Variants in RNF212 observed in about 807,000 individuals in gnomAD.
RNF212 encodes the protein ring finger protein 212.
In RNF212, 33 loss-of-function variants were observed where a neutral mutation model predicts 34.7. That is an observed-to-expected ratio of 0.95 (90% CI 0.72 to 1.27). The LOEUF is 1.27. Ranked by LOEUF, RNF212 falls within the 50% of genes most tolerant of loss-of-function variation. The pLI is 0.00. For missense variants in RNF212, 377 were observed against 362.2 expected (o/e 1.04, Z -0.33); for synonymous variants, 140 against 136.1 (o/e 1.03, Z -0.20).
At chr4:1,108,802 A>C (rs937326031) in intron 1 of RNF212, among the ~76,000 whole-genome samples, 1 of 152,096 alleles carries the variant, frequency 6.6e-6, no homozygotes, top group Non-Finnish European at 1.5e-5. Flanking sequence ...CGGGCTCAAC[A>C]GTCTTCCCCT....
At chr4:1,088,295 A>T (rs1401832037) in intron 4 of RNF212, among the ~76,000 whole-genome samples, 2 of 152,212 alleles carry the variant, frequency 1.3e-5, no homozygotes, top group Admixed American at 1.3e-4. Context: ...TAGCAAAGAG[A>T]CTGGAGGCAT....
At chr4:1,075,834 C>G (rs930827936) in intron 8 of RNF212, among the ~76,000 whole-genome samples, 5 of 152,080 alleles carry the variant, frequency 3.3e-5, no homozygotes, top group African/African-American at 1.2e-4. Flanking sequence ...CCATGCCCAG[C>G]TAATTTTTTG....
At chr4:1,090,909 G>C in intron 3 of RNF212, 71 bp from the exon 4 acceptor site, 1 of 902,244 alleles carries the variant, frequency 1.1e-6, no homozygotes, top group Non-Finnish European at 1.8e-6. Context: ...TGTTGGGGGA[G>C]GAGGAGGCTG....
chr4:1,109,259 C>T (rs890363881), intron 1 of RNF212, among the ~76,000 whole-genome samples: 1 of 152,182 alleles, frequency 6.6e-6, no homozygotes, highest in South Asian at 2.1e-4. Context: ...CAGCCCACAT[C>T]GGTCTCTCAA....
At chr4:1,083,337 T>C (rs1004109406) in intron 5 of RNF212, among the ~76,000 whole-genome samples, 8 of 152,140 alleles carry the variant, frequency 5.3e-5, no homozygotes, top group Non-Finnish European at 1.2e-4. Context: ...TTAACTGTAA[T>C]GGACAGAACA....
Position 1,101,049 on chromosome 4 carries a change from T to A in RNF212, c.172-4210A>T, listed in dbSNP as rs73792272. On this transcript the variant is annotated intron_variant, in intron 2 of 9. Coordinates refer to ENST00000433731, the MANE Select transcript of RNF212 (RefSeq NM_001131034.4). ...CTATAATTTCCAGATGCCAAAGACT[T>A]GATTTTGATCTGCAAATCACCTGCA... The A allele has an allele frequency of 3.3e-3, 536 of 164,378 alleles. 5 individuals are homozygous for A. The highest frequency in any genetic ancestry group is 0.012 in the African/African-American group (516 of 41,980). 10.2% of individuals were successfully genotyped at this position (164,378 alleles called of 1,614,324 possible).
chr4:1,106,980 A>C (rs1724928166), intron 2 of RNF212, among the ~76,000 whole-genome samples: 1 of 152,236 alleles, frequency 6.6e-6, no homozygotes, highest in African/African-American at 2.4e-5. Flanking sequence ...GCTCACTGAT[A>C]GGAAAATACT....
At chr4:1,056,650 G>T in intron 4 of RNF212, 1 of 441,722 alleles carries the variant, frequency 2.3e-6, no homozygotes, top group African/African-American at 2.2e-5. Flanking sequence ...CATAATTTTC[G>T]AAATTCACAA....
chr4:1,081,498 C>T, intron 6 of RNF212, 31 bp from the exon 7 acceptor site: 1 of 1,611,338 alleles, frequency 6.2e-7, no homozygotes, highest in Non-Finnish European at 8.5e-7. Context: ...ATGCCAGCGT[C>T]AGTGCACACA....
At chr4:1,100,747 A>G (rs1414929582) in intron 2 of RNF212, 5 of 152,518 alleles carry the variant, frequency 3.3e-5, no homozygotes, top group East Asian at 1.9e-4. Flanking sequence ...TGACTAACAA[A>G]TGGTCTCTAT....
intron 4 of RNF212, chr4:1,056,509 G>A: frequency 1.0e-6 from 1 of 985,248 alleles, no homozygotes; most frequent in Non-Finnish European, 1.2e-6. Flanking sequence ...TCACACTGTT[G>A]AGGAAAATGA....
rs61018678 is a variant in RNF212, at chr4:1,074,119, T to C, written c.511-457A>G. Among the ~76,000 whole-genome samples the C allele has an allele frequency of 3.5e-3, 531 of 152,262 alleles. 5 individuals are homozygous for C. The highest frequency in any genetic ancestry group is 0.012 in the African/African-American group (513 of 41,552). ...CCTGCTCTGTGCCCACCCTTCACTC[T>C]ATCCAGCAACCACGAGGCCGCTTCT... is the stretch of plus-strand genomic sequence containing the variant. On this transcript the variant is annotated intron_variant, in intron 8 of 9. Transcript: ENST00000433731.
chr4:1,065,633 AT>A (rs1325653847), intron 3 of RNF212, among the ~76,000 whole-genome samples: 1 of 151,844 alleles, frequency 6.6e-6, no homozygotes, highest in Non-Finnish European at 1.5e-5. Flanking sequence ...AGCCTGGATA[AT>A]TTTTTGTAGA....
In RNF212 at chr4:1,072,384, C is replaced by T. The variant is rs571396517; in HGVS notation, c.*490G>A. The stretch of plus-strand genomic sequence containing the variant: ...AGAACATTCGACACCTAGAGTGAAC[C>T]CTAATGTAAACCATGGACGTTGGGT... On this transcript the variant is annotated 3_prime_UTR_variant, in exon 10 of 10. Coordinates refer to ENST00000433731, the MANE Select transcript of RNF212 (RefSeq NM_001131034.4). 6.4e-6 allele frequency: 1 copy of T among 157,414 alleles called. No individual in the cohort carries two copies. Among genetic ancestry groups the T allele is most frequent in the Non-Finnish European group, 1.4e-5 (1 of 71,748 alleles). The allele number at this position is 157,414 out of a possible 1,614,324, so 9.8% of individuals were successfully genotyped here. A position where few individuals can be genotyped will look rare whatever the true frequency, so the allele number is the denominator to read the frequency against.
intron 3 of RNF212, among the ~76,000 whole-genome samples, chr4:1,060,826 T>C (rs1717700666): frequency 6.6e-6 from 1 of 152,206 alleles, no homozygotes; most frequent in Admixed American, 6.5e-5. Flanking sequence ...TCAGTGAGTC[T>C]GCAGGGCAGA....
chr4:1,086,137 G>A (rs1304268514), intron 4 of RNF212, among the ~76,000 whole-genome samples, 183 bp from the exon 5 acceptor site: 1 of 152,210 alleles, frequency 6.6e-6, no homozygotes, highest in African/African-American at 2.4e-5. Flanking sequence ...CGGCCTTGGG[G>A]GCCATGCAGA....
rs1718496792 is a variant in RNF212 at position 1,071,559 on chromosome 4, T to G, written c.*1315A>C. On this transcript the variant is annotated 3_prime_UTR_variant, in exon 10 of 10. Coordinates refer to ENST00000433731, the MANE Select transcript of RNF212 (RefSeq NM_001131034.4). ...CACAAAAAAGAAATGTCATCCAAAA[T>G]ATACACAGGACTCTTAAAACTCAAC... 6.6e-6 allele frequency: 1 copy of G among 152,106 alleles called. No homozygotes were observed. The highest frequency in any genetic ancestry group is 2.4e-5 in the African/African-American group (1 of 41,436). 9.4% of individuals were successfully genotyped at this position (152,106 alleles called of 1,614,324 possible).
chr4:1,108,217 A>G (rs56287616), intron 2 of RNF212, 126 bp downstream of exon 2: 25,233 of 573,760 alleles, frequency 0.044, 698 homozygotes, highest in Middle Eastern at 0.075. Flanking sequence ...GATTACTCAG[A>G]TATCTTTGTT....
intron 7 of RNF212, among the ~76,000 whole-genome samples, chr4:1,080,861 G>A (rs1236683663): frequency 6.6e-6 from 1 of 152,232 alleles, no homozygotes; most frequent in East Asian, 1.9e-4. Flanking sequence ...ACCCCAGGCC[G>A]GGTTTTCTCT....
Sources: allele counts gnomAD v4.1 joint callset (sites outside exome capture counted in the v4.1 genomes callset), GRCh38; gene constraint gnomAD v4.1.1; transcripts MANE v1.5; gene names NCBI Gene and HGNC (gene_info 2026-07-23, HGNC 2026-07-21).